The following NLRC5 variants were observed in gnomAD, a reference collection of about 807,000 sequenced individuals.
NLRC5 encodes protein NLRC5.
In NLRC5, 114 loss-of-function variants were observed where a neutral mutation model predicts 206.9. That is an observed-to-expected ratio of 0.55 (90% CI 0.47 to 0.64). NLRC5 has a LOEUF of 0.64. NLRC5 is among the 30% of genes least tolerant of loss of function. The pLI, the probability that NLRC5 is intolerant of heterozygous loss-of-function variation, is 0.00. For synonymous variants in NLRC5, 952 were observed against 962.8 expected, an observed-to-expected ratio of 0.99 and a Z score of 0.21; for missense variants, 2,008 against 2,305.5, an observed-to-expected ratio of 0.87 and a Z score of 2.64.
chr16:57,025,498 A>G lies in NLRC5; in HGVS notation c.555A>G (p.Thr185=). The G allele has an allele frequency of 6.2e-7, 1 of 1,613,522 alleles. No individual in the cohort carries two copies. The highest frequency in any genetic ancestry group is 8.5e-7 in the Non-Finnish European group (1 of 1,179,682). Residue 185 remains threonine, a synonymous_variant, in exon 6 of 49, where the codon ACA becomes ACG. Transcript: ENST00000688547. ...VYVPPILRRA[T]ASLDTPEGAI... ...TCCCTCCAATCCTGCGCCGGGCCAC[A>G]GCATCCTTAGACACTCCGGAGGGGG...
At chr16:57,079,963 G>C (rs189987514) in intron 46 of NLRC5, among the ~76,000 whole-genome samples, 1 of 152,202 alleles carries the variant, frequency 6.6e-6, no homozygotes, top group African/African-American at 2.4e-5. Flanking sequence ...CACCTTGCCT[G>C]CTTGATGAAA....
Position 57,076,848 on chromosome 16 carries a change from G to T in NLRC5, c.4781G>T (p.Gly1594Val). Residue 1594 changes from glycine to valine, a missense_variant, in exon 40 of 49, where the codon GGT (glycine) becomes GTT (valine). Physicochemically the swap from Gly to Val is moderately radical, Grantham distance 109. Coordinates refer to ENST00000688547, the MANE Select transcript of NLRC5 (RefSeq NM_001384950.1). ...AACAGGAACAGTATCGGTGATGTCG[G>T]TTGCTGCCACCTTTCTGAGGCTCTC... Reference protein sequence around the residue: ...RLNRNSIGDVGCCHLSEALRA... With the variant: ...RLNRNSIGDVVCCHLSEALRA... 6.2e-7 allele frequency: 1 copy of T among 1,614,110 alleles called. No homozygotes were observed. The highest frequency in any genetic ancestry group is 8.5e-7 in the Non-Finnish European group (1 of 1,180,034).
intron 24 of NLRC5, chr16:57,052,589 A>G (rs2065072620): frequency 6.6e-6 from 1 of 152,258 alleles, no homozygotes. Flanking sequence ...GAAAAAATAC[A>G]GCAGGAAAGT....
chr16:57,068,397 CT>C lies in NLRC5; in HGVS notation c.4499+570del, dbSNP rs560067003. 1.3e-3 allele frequency among the ~76,000 whole-genome samples: 203 copies of C among 151,190 alleles called. 1 individual carries two copies. The highest frequency in any genetic ancestry group is 2.4e-3 in the Admixed American group (36 of 15,132). Reference sequence around the variant, plus strand: ...AGTGAGCCAAGATTGTGCCACTGCACTCTAGCCTAGGTGACAGAGCGAGGCT... The same window carrying C: ...AGTGAGCCAAGATTGTGCCACTGCACCTAGCCTAGGTGACAGAGCGAGGCT... On this transcript the variant is annotated intron_variant, in intron 36 of 48. Transcript: ENST00000688547.
chr16:56,993,382 C>T (rs1438792223), intron 1 of NLRC5, among the ~76,000 whole-genome samples: 7 of 151,964 alleles, frequency 4.6e-5, no homozygotes, highest in Non-Finnish European at 1.5e-5. Flanking sequence ...AGTTGTAGAA[C>T]ACTTAGGTTA....
At chr16:57,032,742 C>T (rs1334714826) in intron 11 of NLRC5, among the ~76,000 whole-genome samples, 1 of 151,292 alleles carries the variant, frequency 6.6e-6, no homozygotes, top group Non-Finnish European at 1.5e-5. Flanking sequence ...ATGTCTGTAA[C>T]CCCAGCACTT....
intron 5 of NLRC5, among the ~76,000 whole-genome samples, chr16:57,024,749 C>T (rs75503693): frequency 1.3e-5 from 2 of 152,176 alleles, no homozygotes; most frequent in African/African-American, 4.8e-5. Flanking sequence ...GTGGCTCACA[C>T]CTGTAATCCC....
chr16:57,046,981 TC>T (rs1597344150), intron 22 of NLRC5, among the ~76,000 whole-genome samples: 1 of 152,160 alleles, frequency 6.6e-6, no homozygotes, highest in African/African-American at 2.4e-5. Context: ...TTGGCCTGTC[TC>T]CCCACTAATA....
At position 57,022,296 on chromosome 16, in the gene NLRC5, T is replaced by G; in HGVS notation, c.336T>G (p.Pro112=). The change falls in exon 4 of 49, where the codon CCT becomes CCG. Residue 112 remains proline (P), a synonymous_variant. Coordinates refer to ENST00000688547, the MANE Select transcript of NLRC5 (RefSeq NM_001384950.1). ...TGGGAGCTGAGGGGAAAAGCCAACCTGAATCTCAGCTCCACCATGGTGAGG... is the reference window on the plus strand; with the variant it reads ...TGGGAGCTGAGGGGAAAAGCCAACCGGAATCTCAGCTCCACCATGGTGAGG... ...SQLGAEGKSQ[P]ESQLHHGLKR... is the part of the protein sequence containing the mutation. 6.2e-7 allele frequency: 1 copy of G among 1,611,778 alleles called. No homozygotes were observed. Among genetic ancestry groups the G allele is most frequent in the Non-Finnish European group, 8.5e-7 (1 of 1,178,126 alleles).
chr16:57,043,721 G>C (rs1597328425), intron 20 of NLRC5, 117 bp downstream of exon 20: 2 of 799,682 alleles, frequency 2.5e-6, no homozygotes, highest in Non-Finnish European at 4.5e-6. Flanking sequence ...TCAGCACCTT[G>C]GGCAGTACCA....
Position 57,036,190 on chromosome 16 carries a change from T to C in NLRC5, c.2711+7T>C, listed in dbSNP as rs941193924. ...ACATCGCCAGGAAGCTGGAGTGAGT[T>C]GTCCACCCCACCGCTGGGTACCAGG... On this transcript the variant is annotated splice_region_variant and intron_variant, in intron 14 of 48. Transcript: ENST00000688547. 2 of 1,612,426 alleles carry C rather than the reference T, an allele frequency of 1.2e-6. No homozygotes were observed. Among genetic ancestry groups the C allele is most frequent in the Middle Eastern group, 3.6e-4 (2 of 5,622 alleles).
intron 2 of NLRC5, among the ~76,000 whole-genome samples, chr16:57,017,724 A>G (rs1161885340): frequency 6.6e-6 from 1 of 152,274 alleles, no homozygotes; most frequent in African/African-American, 2.4e-5. Flanking sequence ...AACTACAGGC[A>G]TGACATGAGT....
chr16:57,019,033 A>G (rs11859957), intron 2 of NLRC5, among the ~76,000 whole-genome samples: 3,324 of 152,336 alleles, frequency 0.022, 111 homozygotes, highest in African/African-American at 0.076. Flanking sequence ...GGAACTGCAC[A>G]TTATTTAGGC....
At chr16:57,044,304 CAAAAAAAAA>C (rs11399774) in intron 20 of NLRC5, among the ~76,000 whole-genome samples, 3 of 143,512 alleles carry the variant, frequency 2.1e-5, no homozygotes, top group Admixed American at 2.1e-4. Flanking sequence ...GACTCCATCT[CAAAAAAAAA>C]AAGAAAAGAA....
chr16:57,077,890 G>C, intron 42 of NLRC5, 53 bp from the exon 43 acceptor site: 1 of 1,608,350 alleles, frequency 6.2e-7, no homozygotes, highest in South Asian at 1.1e-5. Flanking sequence ...GGCAGGGCGG[G>C]GGTCCCGAGT....
chr16:57,051,613 C>A lies in NLRC5; in HGVS notation c.3498C>A (p.Ser1166Arg). ...LDCLPQLPQL[S>R]LLQLSQTGLS... ...GCTTACCTCAACTCCCTCAGCTGAG[C>A]CTGCTGCAGTAAGACGAGAGTTTTT... The change falls in exon 24 of 49, where the codon AGC (serine) becomes AGA (arginine). Residue 1166 changes from serine (S) to arginine (R), a missense_variant. Ser to Arg is a moderately radical substitution (Grantham distance 110). Transcript: ENST00000688547. 2 of 1,612,710 alleles carry A rather than the reference C, an allele frequency of 1.2e-6. No individual in the cohort carries two copies. Among genetic ancestry groups the A allele is most frequent in the Non-Finnish European group, 1.7e-6 (2 of 1,178,648 alleles).
At chr16:57,078,180 G>A (rs1216400250) in intron 43 of NLRC5, among the ~76,000 whole-genome samples, 160 bp downstream of exon 43, 1 of 152,200 alleles carries the variant, frequency 6.6e-6, no homozygotes, top group African/African-American at 2.4e-5. Context: ...TCTGATGTCT[G>A]CAGCAAGAAA....
At position 57,043,607 on chromosome 16, in the gene NLRC5, G is replaced by A. The variant is rs780795495; in HGVS notation, c.3203+3G>A. The A allele has an allele frequency of 6.8e-6, 11 of 1,612,950 alleles. No individual in the cohort carries two copies. The highest frequency in any genetic ancestry group is 3.3e-5 in the South Asian group (3 of 91,062). On this transcript the variant is annotated splice_donor_region_variant and intron_variant, in intron 20 of 48. Coordinates refer to ENST00000688547, the MANE Select transcript of NLRC5 (RefSeq NM_001384950.1). Reference sequence around the variant, plus strand: ...TGGCTCTTCCGCTTGGACATCAGGTGAGCGTGCCTCTCCGCCCCCAGCCCT... The same window carrying A: ...TGGCTCTTCCGCTTGGACATCAGGTAAGCGTGCCTCTCCGCCCCCAGCCCT...
chr16:57,079,295 A>G lies in NLRC5; in HGVS notation c.5237+3A>G. 6.2e-7 allele frequency: 1 copy of G among 1,613,262 alleles called. No individual in the cohort carries two copies. Among genetic ancestry groups the G allele is most frequent in the Non-Finnish European group, 8.5e-7 (1 of 1,179,986 alleles). On this transcript the variant is annotated splice_donor_region_variant and intron_variant, in intron 45 of 48. Transcript: ENST00000688547. ...CTCCCGCTGCTCAGACAGATAGAGTAAGTAGCCTCCCCTGCCTGCCTAGGG... is the reference window on the plus strand; with the variant it reads ...CTCCCGCTGCTCAGACAGATAGAGTGAGTAGCCTCCCCTGCCTGCCTAGGG...
Sources: allele counts gnomAD v4.1 joint callset (sites outside exome capture counted in the v4.1 genomes callset), GRCh38; gene constraint gnomAD v4.1.1; transcripts MANE v1.5; gene names NCBI Gene and HGNC (gene_info 2026-07-23, HGNC 2026-07-21).